Variants in YAP1 observed in about 807,000 individuals in gnomAD.
The protein encoded by YAP1 is transcriptional coactivator YAP1.
YAP1 carries 5 observed loss-of-function variants against 56.9 expected under a neutral mutation model. That is an observed-to-expected ratio of 0.09 (90% CI 0.05 to 0.18). YAP1 has a LOEUF of 0.18. YAP1 is among the 10% of genes least tolerant of loss of function. The pLI, the probability that YAP1 is intolerant of heterozygous loss-of-function variation, is 1.00. For synonymous variants in YAP1, 265 were observed against 248.1 expected, an observed-to-expected ratio of 1.07 and a Z score of -0.64; for missense variants, 539 against 651.8, an observed-to-expected ratio of 0.83 and a Z score of 1.88.
At position 102,229,685 on chromosome 11, in the gene YAP1, CTG is replaced by C; in HGVS notation, c.1277-11_1277-10del. The C allele has an allele frequency of 6.2e-7, 1 of 1,607,980 alleles. No individual in the cohort carries two copies. The highest frequency in any genetic ancestry group is 1.7e-5 in the Admixed American group (1 of 59,892). Reference sequence around the variant, plus strand: ...CTTTTCAAAAAGGACTTTGTTATCTCTGTGTGTTTCCACTAGGTGATACTATC... The same window carrying C: ...CTTTTCAAAAAGGACTTTGTTATCTCTGTGTTTCCACTAGGTGATACTATC... On this transcript the variant is annotated splice_polypyrimidine_tract_variant and intron_variant, in intron 8 of 8. Transcript: ENST00000282441.
intron 4 of YAP1, 189 bp downstream of exon 4, chr11:102,186,320 T>G: frequency 1.6e-6 from 1 of 634,698 alleles, no homozygotes; most frequent in Non-Finnish European, 2.5e-6. Context: ...TAGATCTGAA[T>G]CAGATTTTTA....
intron 8 of YAP1, among the ~76,000 whole-genome samples, chr11:102,228,286 G>A (rs1056467155): frequency 2.6e-5 from 4 of 151,966 alleles, no homozygotes; most frequent in African/African-American, 4.8e-5. Flanking sequence ...GTGTTATGGG[G>A]CTCAGGAAAC....
chr11:102,211,132 G>A (rs1236753227), intron 6 of YAP1, among the ~76,000 whole-genome samples: 1 of 152,178 alleles, frequency 6.6e-6, no homozygotes, highest in Admixed American at 6.5e-5. Flanking sequence ...TTAACTCAAA[G>A]GAGATTTGGA....
chr11:102,135,440 C>G (rs1299723958), intron 2 of YAP1, among the ~76,000 whole-genome samples: 1 of 152,220 alleles, frequency 6.6e-6, no homozygotes, highest in Non-Finnish European at 1.5e-5. Flanking sequence ...GATAGCTTCA[C>G]TCATAGGTCT....
At position 102,110,770 on chromosome 11, in the gene YAP1, C is replaced by T. The variant is rs1169922552; in HGVS notation, c.-79C>T. On this transcript the variant is annotated 5_prime_UTR_variant, in exon 1 of 9. Coordinates refer to ENST00000282441, the MANE Select transcript of YAP1 (RefSeq NM_001130145.3). ...CGCAGCCGTCGCCGCTTCTCCACCT[C>T]GGCCCGTGGAGCCGGGGCGTCCGGG... 2 of 1,220,038 alleles carry T rather than the reference C, an allele frequency of 1.6e-6. No individual in the cohort carries two copies. Among genetic ancestry groups the T allele is most frequent in the African/African-American group, 1.6e-5 (1 of 62,476 alleles). 75.6% of individuals were successfully genotyped at this position (1,220,038 alleles called of 1,614,324 possible).
chr11:102,168,458 T>A (rs1441399434), intron 3 of YAP1, among the ~76,000 whole-genome samples: 2 of 152,086 alleles, frequency 1.3e-5, no homozygotes, highest in Non-Finnish European at 2.9e-5. Flanking sequence ...AATGTCTTAT[T>A]ACAGGTACAT....
chr11:102,162,062 G>A (rs372722596), intron 2 of YAP1, among the ~76,000 whole-genome samples: 20 of 152,240 alleles, frequency 1.3e-4, no homozygotes, highest in African/African-American at 4.1e-4. Context: ...ATGTTATTTG[G>A]CATTCTTATC....
At chr11:102,179,174 C>T in intron 3 of YAP1, among the ~76,000 whole-genome samples, 1 of 151,924 alleles carries the variant, frequency 6.6e-6, no homozygotes, top group East Asian at 1.9e-4. Context: ...CATTAAAATG[C>T]TGGCCTGTTT....
At chr11:102,186,937 G>T (rs1232360557) in intron 4 of YAP1, among the ~76,000 whole-genome samples, 1 of 151,228 alleles carries the variant, frequency 6.6e-6, no homozygotes, top group Non-Finnish European at 1.5e-5. Flanking sequence ...GATAATTGTG[G>T]TTTTGAAGCT....
In YAP1 at chr11:102,160,520, G is replaced by T. The variant is rs368782084; in HGVS notation, c.573-1936G>T. Among the ~76,000 whole-genome samples the T allele has an allele frequency of 4.5e-4, 68 of 152,278 alleles. No individual in the cohort carries two copies. In the Middle Eastern group the frequency reaches 0.01, roughly 23 times the overall value. On this transcript the variant is annotated intron_variant, in intron 2 of 8. Transcript: ENST00000282441. ...TAGTTCTGGATTCGTCTTAATAGAT[G>T]ATTTGAAAAAGAAAGCATTTAAAAG...
chr11:102,180,436 A>G (rs1311701652), intron 3 of YAP1, among the ~76,000 whole-genome samples: 2 of 151,918 alleles, frequency 1.3e-5, no homozygotes, highest in Admixed American at 1.3e-4. Context: ...TAATCCCAGC[A>G]CTTTGGGAGG....
At chr11:102,122,756 G>A (rs1221107833) in intron 2 of YAP1, among the ~76,000 whole-genome samples, 6 of 151,886 alleles carry the variant, frequency 4.0e-5, no homozygotes, top group Admixed American at 6.6e-5. Context: ...TTAGGCAGGC[G>A]TGGTGGCAGG....
At chr11:102,214,135 A>G (rs1949551935) in intron 6 of YAP1, among the ~76,000 whole-genome samples, 1 of 152,202 alleles carries the variant, frequency 6.6e-6, no homozygotes, top group South Asian at 2.1e-4. Flanking sequence ...ACACTGCTGT[A>G]TAAAGATGTC....
intron 2 of YAP1, among the ~76,000 whole-genome samples, chr11:102,130,691 C>T (rs151051348): frequency 6.7e-6 from 1 of 150,278 alleles, no homozygotes; most frequent in Non-Finnish European, 1.5e-5. Context: ...GCATGAGCCA[C>T]CACACCTGAC....
intron 3 of YAP1, among the ~76,000 whole-genome samples, chr11:102,179,564 C>G (rs1463534214): frequency 6.6e-6 from 1 of 152,138 alleles, no homozygotes; most frequent in Non-Finnish European, 1.5e-5. Flanking sequence ...ATGCCCATGC[C>G]CGGAATGTCA....
In YAP1 at chr11:102,113,213, A is replaced by G. The variant is rs561288675; in HGVS notation, c.322-931A>G. 2.0e-5 allele frequency among the ~76,000 whole-genome samples: 3 copies of G among 152,354 alleles called. No individual in the cohort carries two copies. The East Asian group carries it at 5.8e-4, about 29-fold the overall frequency. ...TCAAACTCTAATGCTAATTAAAAAT[A>G]TTTTAAAAACTATGCAAGATTATGA... On this transcript the variant is annotated intron_variant, in intron 1 of 8. Coordinates refer to ENST00000282441, the MANE Select transcript of YAP1 (RefSeq NM_001130145.3).
intron 2 of YAP1, among the ~76,000 whole-genome samples, chr11:102,122,450 C>T (rs1355519002): frequency 1.3e-5 from 2 of 151,340 alleles, no homozygotes; most frequent in African/African-American, 2.4e-5. Flanking sequence ...GGAAAGAAAA[C>T]GGAAGGAAGC....
intron 6 of YAP1, among the ~76,000 whole-genome samples, chr11:102,214,156 A>G (rs970724444): frequency 6.6e-6 from 1 of 152,248 alleles, no homozygotes; most frequent in Non-Finnish European, 1.5e-5. Context: ...TTAACTCAGT[A>G]GCCAGTATAA....
chr11:102,218,462 A>G (rs1236896243), intron 6 of YAP1, among the ~76,000 whole-genome samples: 1 of 152,236 alleles, frequency 6.6e-6, no homozygotes, highest in African/African-American at 2.4e-5. Context: ...TATGTTAAGT[A>G]CAGACACAGC....
Sources: gnomAD v4.1 joint callset for allele counts (sites outside exome capture counted in the v4.1 genomes callset) on GRCh38, gnomAD v4.1.1 for gene constraint, MANE v1.5 for transcripts, NCBI Gene and HGNC (gene_info 2026-07-23, HGNC 2026-07-21) for gene names.